PCDHGB2: variants seen among roughly 807,000 people sequenced by gnomAD.
The protein encoded by PCDHGB2 is protocadherin gamma subfamily B, 2, also known as protocadherin gamma-B2.
A neutral mutation model predicts 59.3 loss-of-function variants in PCDHGB2; 55 were observed. The ratio of observed to expected loss-of-function variants is 0.93; its 90% CI spans 0.75 to 1.16. PCDHGB2 has a LOEUF of 1.16. Among genes scored for constraint, PCDHGB2 ranks in the 50% most tolerant of loss-of-function variants. The probability of loss-of-function intolerance (pLI) is 0.00; values close to 1 mark genes in which losing one functional copy is unlikely to be tolerated. For synonymous variants in PCDHGB2, 516 were observed against 512.0 expected (o/e 1.01, Z -0.11); for missense variants, 1,228 against 1,198.5 (o/e 1.02, Z -0.36).
Position 141,511,669 on chromosome 5 carries a change from T to C in PCDHGB2, c.*496T>C, listed in dbSNP as rs1468492336. 1 of 199,424 alleles carries C rather than the reference T, an allele frequency of 5.0e-6. No individual in the cohort carries two copies. The highest frequency in any genetic ancestry group is 2.3e-5 in the African/African-American group (1 of 43,748). The allele number at this position is 199,424 out of a possible 1,614,324, so 12.4% of individuals were successfully genotyped here. ...TCTTGGCCTCTCCTTTGATTCTCAA[T>C]CTTCCCCCAAAGCATGGTTTGGTGC... On this transcript the variant is annotated 3_prime_UTR_variant, in exon 4 of 4. Coordinates refer to ENST00000522605, the MANE Select transcript of PCDHGB2 (RefSeq NM_018923.3).
rs1031996605 is a variant in PCDHGB2, at chr5:141,487,055, G to C, written c.2422-7752G>C. ...TGCAGTCTCTCGATATGCTGGGGAG[G>C]TGCGGACGGCTGTTCCTATCCCAGC... is the stretch of plus-strand genomic sequence containing the variant. On this transcript the variant is annotated intron_variant, in intron 1 of 3. Transcript: ENST00000522605. The surrounding 1 kb of genome is among the most constrained non-coding windows in gnomAD (Gnocchi z 5.0). The C allele has an allele frequency of 6.2e-7, 1 of 1,614,186 alleles. No individual in the cohort carries two copies. The highest frequency in any genetic ancestry group is 8.5e-7 in the Non-Finnish European group (1 of 1,180,038).
intron 1 of PCDHGB2, chr5:141,395,051 A>G: frequency 6.2e-7 from 1 of 1,614,178 alleles, no homozygotes; most frequent in Non-Finnish European, 8.5e-7. Flanking sequence ...TTGAGGAGGT[A>G]CAGGCTTTCC....
At chr5:141,481,747 T>A (rs1319673737) in intron 1 of PCDHGB2, among the ~76,000 whole-genome samples, 3 of 151,684 alleles carry the variant, frequency 2.0e-5, no homozygotes, top group African/African-American at 7.3e-5. Flanking sequence ...AGGTCAGGAG[T>A]CCAAGACCAG....
chr5:141,466,285 C>A (rs1271958613), intron 1 of PCDHGB2, among the ~76,000 whole-genome samples: 1 of 152,148 alleles, frequency 6.6e-6, no homozygotes, highest in African/African-American at 2.4e-5. Context: ...ATCTTCCCAC[C>A]TCAGGCTCCC....
chr5:141,385,125 C>T (rs1206430746), intron 1 of PCDHGB2: 7 of 1,614,212 alleles, frequency 4.3e-6, no homozygotes, highest in Non-Finnish European at 8.5e-7. Context: ...ACTTTGTGGG[C>T]ATGGACGGGG....
chr5:141,511,129 G>A lies in PCDHGB2; in HGVS notation c.2752G>A (p.Gly918Ser). ...GCGGGATGGCAAGGCCCCAGCAGGT[G>A]GCAATGGCAACAAGAAGAAGTCGGG... ...GKRDGKAPAGGNGNKKKSGKK... is the reference protein window; with the variant it reads ...GKRDGKAPAGSNGNKKKSGKK... Residue 918 changes from glycine to serine, a missense_variant, in exon 4 of 4, where the codon GGC becomes AGC. By Grantham distance (56) the Gly-to-Ser change is moderately conservative. Coordinates refer to ENST00000522605, the MANE Select transcript of PCDHGB2 (RefSeq NM_018923.3). 1 of 1,614,204 alleles carries A rather than the reference G, an allele frequency of 6.2e-7. No individual in the cohort carries two copies. Among genetic ancestry groups the A allele is most frequent in the Non-Finnish European group, 8.5e-7 (1 of 1,180,014 alleles).
chr5:141,402,872 T>A, intron 1 of PCDHGB2: 1 of 1,455,372 alleles, frequency 6.9e-7, no homozygotes, highest in Non-Finnish European at 9.1e-7. Flanking sequence ...AAGATCACCA[T>A]ACTTTGCAGG....
intron 1 of PCDHGB2, chr5:141,423,628 AT>A (rs2096762361): frequency 6.2e-7 from 1 of 1,604,844 alleles, no homozygotes; most frequent in Admixed American, 1.7e-5. Flanking sequence ...CTCAGCTATC[AT>A]TTTAGGCAAA....
rs186469397 is a variant in PCDHGB2 at position 141,376,362 on chromosome 5, C to G, written c.2421+13806C>G. ...ACCTATTCCCACGAGGTCTCACTCA[C>G]TGCAGACTCGCGTAAGAGTCATCTG... On this transcript the variant is annotated intron_variant, in intron 1 of 3. Transcript: ENST00000522605. 5.1e-3 allele frequency: 8,179 copies of G among 1,614,250 alleles called. 35 individuals carry two copies. The highest frequency in any genetic ancestry group is 6.1e-3 in the Non-Finnish European group (7,170 of 1,180,044).
At chr5:141,410,006 G>T (rs1201569227) in intron 1 of PCDHGB2, 8 of 1,613,274 alleles carry the variant, frequency 5.0e-6, no homozygotes, top group Non-Finnish European at 5.1e-6. Context: ...GGGACACAAC[G>T]CCTGGCTGTC....
At chr5:141,395,972 A>G (rs974737736) in intron 1 of PCDHGB2, 1 of 152,218 alleles carries the variant, frequency 6.6e-6, no homozygotes, top group African/African-American at 2.4e-5. Flanking sequence ...CAAAAACATT[A>G]GATCTGAATT....
At chr5:141,382,900 A>G (rs564801333) in intron 1 of PCDHGB2, 1 of 1,542,254 alleles carries the variant, frequency 6.5e-7, no homozygotes, top group South Asian at 1.3e-5. Context: ...CAGGACGACT[A>G]TGGCGGCTCA....
In PCDHGB2 at chr5:141,432,476, A is replaced by C; in HGVS notation, c.2422-62331A>C. 6.2e-7 allele frequency: 1 copy of C among 1,614,080 alleles called. No homozygotes were observed. The highest frequency in any genetic ancestry group is 8.5e-7 in the Non-Finnish European group (1 of 1,180,012). Reference sequence around the variant, plus strand: ...CCCCGCCCTCCCCACGGACGGTTCCACTGGCGTGGAGCTGGCTCCCCGCTC... The same window carrying C: ...CCCCGCCCTCCCCACGGACGGTTCCCCTGGCGTGGAGCTGGCTCCCCGCTC... On this transcript the variant is annotated intron_variant, in intron 1 of 3. Transcript: ENST00000522605. The surrounding 1 kb of genome is among the most constrained non-coding windows in gnomAD (Gnocchi z 6.0).
At chr5:141,423,783 A>G in intron 1 of PCDHGB2, 1 of 1,264,712 alleles carries the variant, frequency 7.9e-7, no homozygotes, top group South Asian at 1.9e-5. Context: ...TATTTAGTTC[A>G]TATATATTTA....
chr5:141,423,609 A>G lies in PCDHGB2; in HGVS notation c.2421+61053A>G, dbSNP rs748925693. The G allele has an allele frequency of 5.0e-6, 8 of 1,611,572 alleles. No homozygotes were observed. The South Asian group carries it at 7.7e-5, about 16-fold the overall frequency. ...GTGAGAAAAGCGAGCCACTCTTGAT[A>G]GCTGAAGACTCAGCTATCATTTTAG... On this transcript the variant is annotated intron_variant, in intron 1 of 3. Transcript: ENST00000522605.
intron 1 of PCDHGB2, among the ~76,000 whole-genome samples, chr5:141,386,359 C>A (rs566341507): frequency 6.6e-6 from 1 of 152,014 alleles, no homozygotes; most frequent in African/African-American, 2.4e-5. Flanking sequence ...AATCTTGATT[C>A]CAGAGACCTT....
At chr5:141,410,425 C>G (rs779212749) in intron 1 of PCDHGB2, 1 of 1,614,030 alleles carries the variant, frequency 6.2e-7, no homozygotes, top group South Asian at 1.1e-5. Flanking sequence ...TAGTTCCCCC[C>G]AACTACAGTG....
chr5:141,361,029 A>G lies in PCDHGB2; in HGVS notation c.894A>G (p.Thr298=), dbSNP rs1433504702. ...ACTTTTTCAACTTAAATGAAAAAAC[A>G]GGAGAAATCACGACAAAGGATGATT... The part of the protein sequence containing the change: ...VKHFFNLNEK[T]GEITTKDDLD... Residue 298 remains threonine (T), a synonymous_variant, in exon 1 of 4, where the codon ACA becomes ACG. Transcript: ENST00000522605. 2 of 1,613,256 alleles carry G rather than the reference A, an allele frequency of 1.2e-6. No individual in the cohort carries two copies. Among genetic ancestry groups the G allele is most frequent in the Non-Finnish European group, 1.7e-6 (2 of 1,179,552 alleles).
At chr5:141,507,557 C>T (rs959957585) in intron 3 of PCDHGB2, among the ~76,000 whole-genome samples, 5 of 152,250 alleles carry the variant, frequency 3.3e-5, no homozygotes, top group Middle Eastern at 3.4e-3. Flanking sequence ...AAGTGGCAGG[C>T]GGCTGGGTCT....
Sources: allele counts gnomAD v4.1 joint callset (sites outside exome capture counted in the v4.1 genomes callset), GRCh38; gene constraint gnomAD v4.1.1; non-coding constraint Gnocchi (gnomAD v3.1); transcripts MANE v1.5; gene names NCBI Gene and HGNC (gene_info 2026-07-23, HGNC 2026-07-21).